ARSB: variants seen among roughly 807,000 people sequenced by gnomAD.
The protein encoded by ARSB is N-acetylgalactosamine-4-sulfatase.
Under a neutral mutation model 50.9 loss-of-function variants are expected in ARSB, and 41 were observed. That is an observed-to-expected ratio of 0.81 (90% CI 0.63 to 1.04). The LOEUF (loss-of-function observed/expected upper bound fraction) is 1.04, where lower values mean the gene tolerates loss of function less well. Ranked by LOEUF, ARSB falls within the 50% of genes least tolerant of loss-of-function variation. The probability of loss-of-function intolerance (pLI) is 0.00; values close to 1 mark genes in which losing one functional copy is unlikely to be tolerated. For synonymous variants in ARSB, 269 were observed against 284.8 expected (o/e 0.94, Z 0.56); for missense variants, 672 against 693.3 (o/e 0.97, Z 0.35).
chr5:78,787,740 T>C (rs970305126), intron 6 of ARSB, among the ~76,000 whole-genome samples: 1 of 151,822 alleles, frequency 6.6e-6, no homozygotes, highest in African/African-American at 2.4e-5. Context: ...TAGTGGGGAG[T>C]AAAGGATTCT....
Position 78,866,416 on chromosome 5 carries a change from A to G in ARSB, c.1142+19168T>C, listed in dbSNP as rs1746742408. 2.0e-5 allele frequency among the ~76,000 whole-genome samples: 3 copies of G among 152,176 alleles called. No homozygotes were observed. In the South Asian group the frequency reaches 6.2e-4, roughly 32 times the overall value. On this transcript the variant is annotated intron_variant, in intron 5 of 7. Transcript: ENST00000264914. The stretch of plus-strand genomic sequence containing the variant: ...TTACCTCCCACTGGGTCCCTGCCAC[A>G]ACACATGGGAATTCAAGATGAGATT...
At chr5:78,905,347 T>TTTTTTTTTG (rs1435201412) in intron 4 of ARSB, among the ~76,000 whole-genome samples, 1 of 149,858 alleles carries the variant, frequency 6.7e-6, no homozygotes, top group Admixed American at 6.7e-5. Context: ...TTTTCCTGTT[T>TTTTTTTTTG]TTTTTTTTTT....
chr5:78,959,763 T>C (rs1751900260), intron 3 of ARSB, among the ~76,000 whole-genome samples: 1 of 152,142 alleles, frequency 6.6e-6, no homozygotes. Flanking sequence ...CAGTAGTAAA[T>C]GTGAAATATT....
intron 4 of ARSB, among the ~76,000 whole-genome samples, chr5:78,939,658 C>T: frequency 6.6e-6 from 1 of 152,168 alleles, no homozygotes; most frequent in Non-Finnish European, 1.5e-5. Flanking sequence ...GTATGTGCCA[C>T]ATTTTCTTAA....
At chr5:78,959,059 T>C (rs1449045205) in intron 3 of ARSB, among the ~76,000 whole-genome samples, 1 of 152,156 alleles carries the variant, frequency 6.6e-6, no homozygotes, top group Non-Finnish European at 1.5e-5. Context: ...GTTCCCATAA[T>C]CCCCATGTGT....
intron 2 of ARSB, among the ~76,000 whole-genome samples, chr5:78,966,137 A>G (rs1752196056): frequency 6.6e-6 from 1 of 152,240 alleles, no homozygotes; most frequent in African/African-American, 2.4e-5. Context: ...ATCAGTTAGC[A>G]GAATATAGGA....
At chr5:78,859,029 T>C (rs1746293137) in intron 5 of ARSB, among the ~76,000 whole-genome samples, 1 of 152,160 alleles carries the variant, frequency 6.6e-6, no homozygotes, top group African/African-American at 2.4e-5. Context: ...CCAGATCTAA[T>C]CAAAAAGTAC....
intron 4 of ARSB, among the ~76,000 whole-genome samples, chr5:78,920,183 G>A (rs1382941708): frequency 6.6e-6 from 1 of 152,184 alleles, no homozygotes; most frequent in Non-Finnish European, 1.5e-5. Context: ...CTGGAGGGAG[G>A]CAGACTTACT....
At chr5:78,856,251 T>C (rs1338594239) in intron 5 of ARSB, among the ~76,000 whole-genome samples, 1 of 152,180 alleles carries the variant, frequency 6.6e-6, no homozygotes, top group African/African-American at 2.4e-5. Flanking sequence ...TCTGGCCTTG[T>C]TATAGAGGTC....
chr5:78,922,031 C>A (rs1215187961), intron 4 of ARSB, among the ~76,000 whole-genome samples: 2 of 152,070 alleles, frequency 1.3e-5, no homozygotes, highest in Non-Finnish European at 2.9e-5. Context: ...CAGCCCTGGC[C>A]AGAGGGGATC....
chr5:78,884,039 C>A (rs536067862), intron 5 of ARSB: 2 of 152,012 alleles, frequency 1.3e-5, no homozygotes, highest in African/African-American at 2.4e-5. Context: ...AACTTAAATG[C>A]CTACAGAGAC....
At chr5:78,888,800 T>C (rs1748152961) in intron 4 of ARSB, among the ~76,000 whole-genome samples, 1 of 152,214 alleles carries the variant, frequency 6.6e-6, no homozygotes, top group South Asian at 2.1e-4. Context: ...TTTCCACATA[T>C]CATTAGGGGA....
At position 78,985,106 on chromosome 5, in the gene ARSB, A is replaced by G. The variant is rs1369080801; in HGVS notation, c.143T>C (p.Val48Ala). The change falls in exon 1 of 8, where the codon GTC (valine) becomes GCC (alanine). Residue 48 changes from valine to alanine, a missense_variant. By Grantham distance (64) the Val-to-Ala change is moderately conservative. Transcript: ENST00000264914. ...GCCTAGGTCGTCTGCCAGCAAGAAG[A>G]CCAGGTGGGGCGGCCGGCTGGCCCC... ...GAGASRPPHL[V>A]FLLADDLGWN... 3.3e-6 allele frequency: 5 copies of G among 1,513,338 alleles called. No homozygotes were observed. The highest frequency in any genetic ancestry group is 2.9e-5 in the African/African-American group (2 of 69,502). The allele number at this position is 1,513,338 out of a possible 1,614,324, so 93.7% of individuals were successfully genotyped here.
At chr5:78,831,644 G>A (rs1160557926) in intron 6 of ARSB, among the ~76,000 whole-genome samples, 1 of 152,128 alleles carries the variant, frequency 6.6e-6, no homozygotes, top group Non-Finnish European at 1.5e-5. Context: ...GGTCTGAACA[G>A]CCCTGAGTTC....
At chr5:78,971,766 G>T (rs146237920) in intron 1 of ARSB, among the ~76,000 whole-genome samples, 107 of 152,294 alleles carry the variant, frequency 7.0e-4, no homozygotes, top group African/African-American at 2.3e-3. Flanking sequence ...GTTAAAGTGG[G>T]TTTATCTTGA....
chr5:78,943,483 A>C (rs1029783414), intron 4 of ARSB, among the ~76,000 whole-genome samples: 2 of 152,162 alleles, frequency 1.3e-5, no homozygotes, highest in African/African-American at 4.8e-5. Context: ...GTGGTGACAA[A>C]ATCTCTCAGC....
chr5:78,867,086 AC>A (rs1746800776), intron 5 of ARSB, among the ~76,000 whole-genome samples: 1 of 152,154 alleles, frequency 6.6e-6, no homozygotes, highest in Admixed American at 6.5e-5. Context: ...GGTCACTCCC[AC>A]CCGAATATTG....
intron 5 of ARSB, among the ~76,000 whole-genome samples, chr5:78,845,909 G>A (rs1402578648): frequency 3.3e-5 from 5 of 151,906 alleles, no homozygotes; most frequent in Non-Finnish European, 7.4e-5. Flanking sequence ...GTCTATTTTT[G>A]CTTTTGTTGC....
intron 3 of ARSB, among the ~76,000 whole-genome samples, chr5:78,959,483 G>C (rs371537841): frequency 6.6e-6 from 1 of 152,056 alleles, no homozygotes. Flanking sequence ...CCATTCTTTG[G>C]AATCTGTGCT....
Sources: gnomAD v4.1 joint callset for allele counts (sites outside exome capture counted in the v4.1 genomes callset) on GRCh38, gnomAD v4.1.1 for gene constraint, MANE v1.5 for transcripts, NCBI Gene and HGNC (gene_info 2026-07-23, HGNC 2026-07-21) for gene names.